Variants in SHANK2 observed in about 807,000 individuals in gnomAD.
The protein encoded by SHANK2 is SH3 and multiple ankyrin repeat domains protein 2.
Under a neutral mutation model 133.7 loss-of-function variants are expected in SHANK2, and 43 were observed. The ratio of observed to expected loss-of-function variants is 0.32; its 90% CI spans 0.25 to 0.41. The LOEUF (loss-of-function observed/expected upper bound fraction) is 0.41. Ranked by LOEUF, SHANK2 falls within the 10% of genes least tolerant of loss-of-function variation. SHANK2 has a pLI of 1.00. For missense variants in SHANK2, 1,994 were observed against 2,235.8 expected (o/e 0.89, Z 2.18); for synonymous variants, 1,017 against 952.8 (o/e 1.07, Z -1.24).
At chr11:70,589,778 C>T (rs1167013152) in intron 17 of SHANK2, among the ~76,000 whole-genome samples, 1 of 152,110 alleles carries the variant, frequency 6.6e-6, no homozygotes, top group Non-Finnish European at 1.5e-5. Context: ...AGAAGTTGAT[C>T]CCATCCCTCA....
chr11:71,107,374 C>T lies in SHANK2; in HGVS notation c.592+2567G>A, dbSNP rs569239731. On this transcript the variant is annotated intron_variant, in intron 6 of 25. Coordinates refer to ENST00000601538, the MANE Select transcript of SHANK2 (RefSeq NM_012309.5). ...TAGAATGCCTGTCCTTAACTATGTG[C>T]TCTTTCCCAGGAGCCACTTATCGGG... 2.0e-5 allele frequency among the ~76,000 whole-genome samples: 3 copies of T among 152,308 alleles called. No homozygotes were observed. The South Asian group carries it at 6.2e-4, about 32-fold the overall frequency.
At chr11:70,854,079 G>C (rs1949131986) in intron 11 of SHANK2, among the ~76,000 whole-genome samples, 1 of 152,220 alleles carries the variant, frequency 6.6e-6, no homozygotes, top group South Asian at 2.1e-4. Flanking sequence ...AGACCCTGCA[G>C]TGTTAACAGT....
intron 23 of SHANK2, 21 bp from the exon 24 acceptor site, chr11:70,489,369 GTT>G (rs782269349): frequency 2.2e-5 from 35 of 1,613,444 alleles, no homozygotes; most frequent in Non-Finnish European, 2.7e-5. Context: ...GAAATCAGTT[GTT>G]ATTAACCAGT....
At chr11:71,096,445 G>T (rs1430834232) in intron 6 of SHANK2, among the ~76,000 whole-genome samples, 2 of 152,188 alleles carry the variant, frequency 1.3e-5, no homozygotes, top group Non-Finnish European at 2.9e-5. Flanking sequence ...CTGCCTGCTA[G>T]AGAGAGGAAC....
At chr11:70,502,690 G>T in intron 18 of SHANK2, 106 bp downstream of exon 18, 4 of 1,291,218 alleles carry the variant, frequency 3.1e-6, no homozygotes, top group Non-Finnish European at 4.3e-6. Context: ...CAGAAGTGTG[G>T]GATCAGCTGG....
chr11:71,119,578 CA>C lies in SHANK2; in HGVS notation c.208-547del, dbSNP rs55759811. Reference sequence around the variant, plus strand: ...CTGGCGACAAGGCGAGACTCCATCTCAAAAAAAAAAAAAAAAATTCTCTAGC... The same window carrying C: ...CTGGCGACAAGGCGAGACTCCATCTCAAAAAAAAAAAAAAAATTCTCTAGC... On this transcript the variant is annotated intron_variant, in intron 3 of 25. Coordinates refer to ENST00000601538, the MANE Select transcript of SHANK2 (RefSeq NM_012309.5). Among the ~76,000 whole-genome samples, 176 of 134,380 alleles carry C rather than the reference CA, an allele frequency of 1.3e-3. 1 individual carries two copies. Among genetic ancestry groups the C allele is most frequent in the African/African-American group, 4.2e-3 (142 of 33,604 alleles). The allele number at this position is 134,380 out of a possible 152,430, so 88.2% of individuals were successfully genotyped here. A position where few individuals can be genotyped will look rare whatever the true frequency, so the allele number is the denominator to read the frequency against.
intron 17 of SHANK2, among the ~76,000 whole-genome samples, chr11:70,572,160 C>G (rs2060053306): frequency 6.6e-6 from 1 of 152,246 alleles, no homozygotes; most frequent in Non-Finnish European, 1.5e-5. Context: ...GGGAGAAAAT[C>G]AACCCCTGTT....
chr11:70,760,073 C>G (rs566504493), intron 14 of SHANK2, among the ~76,000 whole-genome samples: 72 of 152,340 alleles, frequency 4.7e-4, no homozygotes, highest in Middle Eastern at 3.4e-3. Flanking sequence ...CCTGCTTCAC[C>G]TTTTGACATA....
At chr11:70,568,537 G>C (rs992522249) in intron 17 of SHANK2, among the ~76,000 whole-genome samples, 3 of 151,868 alleles carry the variant, frequency 2.0e-5, no homozygotes, top group Non-Finnish European at 2.9e-5. Context: ...GGAGCCTCCA[G>C]CTGGAGAGAA....
At chr11:70,641,505 C>T (rs528360617) in intron 17 of SHANK2, among the ~76,000 whole-genome samples, 5 of 152,350 alleles carry the variant, frequency 3.3e-5, no homozygotes, top group East Asian at 3.9e-4. Context: ...ACAGCAAGAC[C>T]GCCTGCCCCA....
At chr11:70,607,427 C>T (rs573135045) in intron 17 of SHANK2, among the ~76,000 whole-genome samples, 3 of 152,274 alleles carry the variant, frequency 2.0e-5, no homozygotes, top group Non-Finnish European at 4.4e-5. Flanking sequence ...CAGGTCTTCC[C>T]GGAAGTCAGA....
chr11:70,885,542 C>G (rs1019611986), intron 11 of SHANK2, among the ~76,000 whole-genome samples: 4 of 152,186 alleles, frequency 2.6e-5, no homozygotes, highest in Admixed American at 6.5e-5. Flanking sequence ...GGACAGGCCG[C>G]AGGGCGGGCT....
At chr11:70,618,426 G>A (rs782506178) in intron 17 of SHANK2, among the ~76,000 whole-genome samples, 7 of 152,058 alleles carry the variant, frequency 4.6e-5, no homozygotes, top group East Asian at 3.8e-4. Context: ...AGAGTTAACC[G>A]CCATTTATGT....
At chr11:70,945,572 G>A (rs1555085220) in intron 10 of SHANK2, among the ~76,000 whole-genome samples, 3 of 152,182 alleles carry the variant, frequency 2.0e-5, no homozygotes, top group Non-Finnish European at 4.4e-5. Context: ...GGAGCCCAGG[G>A]TTGTGTGCCT....
intron 2 of SHANK2, among the ~76,000 whole-genome samples, chr11:71,214,595 C>T (rs1954362050): frequency 1.3e-5 from 2 of 152,238 alleles, no homozygotes; most frequent in Non-Finnish European, 2.9e-5. Context: ...GAAGATGGGT[C>T]TGGCTCAGGG....
chr11:70,482,216 G>A lies in SHANK2; in HGVS notation c.4979+3098C>T, dbSNP rs191371957. The stretch of plus-strand genomic sequence containing the variant: ...TGAGTGTAAAGTGTAACCCTTGGCC[G>A]GGAGCAAGAAGGGAACAGACATGGC... On this transcript the variant is annotated intron_variant, in intron 25 of 25. Transcript: ENST00000601538. Among the ~76,000 whole-genome samples, 12 of 152,352 alleles carry A rather than the reference G, an allele frequency of 7.9e-5. No individual in the cohort carries two copies. In the East Asian group the frequency reaches 2.1e-3, roughly 27 times the overall value.
chr11:70,865,409 C>G (rs1949337345), intron 11 of SHANK2, among the ~76,000 whole-genome samples: 1 of 152,330 alleles, frequency 6.6e-6, no homozygotes, highest in Non-Finnish European at 1.5e-5. Context: ...AAATACTATT[C>G]TGAAGGGACA....
In SHANK2 at chr11:70,500,980, T is replaced by C. The variant is rs2059042202; in HGVS notation, c.2288-390A>G. ...CTGTGGCCTTTCCTGCCTCATTCTG[T>C]TGTTTCTTGACTGAGCTGAGCTCTC... On this transcript the variant is annotated intron_variant, in intron 20 of 25. Coordinates refer to ENST00000601538, the MANE Select transcript of SHANK2 (RefSeq NM_012309.5). This position sits in a 1 kb window ranked among gnomAD's most constrained non-coding sequence, Gnocchi z 4.5. Among the ~76,000 whole-genome samples the C allele has an allele frequency of 6.6e-6, 1 of 152,184 alleles. No individual in the cohort carries two copies. The highest frequency in any genetic ancestry group is 1.5e-5 in the Non-Finnish European group (1 of 68,020).
Position 71,092,567 on chromosome 11 carries a change from G to T in SHANK2, c.767C>A (p.Ser256Tyr). The T allele has an allele frequency of 6.4e-7, 1 of 1,551,964 alleles. No individual in the cohort carries two copies. Among genetic ancestry groups the T allele is most frequent in the Non-Finnish European group, 8.7e-7 (1 of 1,147,074 alleles). ...GCCGTAACTGTCTTTATAATCTGGGGATGCACCAAGCTCTAAAAGGGTCTA... is the reference window on the plus strand; with the variant it reads ...GCCGTAACTGTCTTTATAATCTGGGTATGCACCAAGCTCTAAAAGGGTCTA... ...ALKTLLELGA[S>Y]PDYKDSYGLT... is the part of the protein sequence containing the mutation. The change falls in exon 8 of 26, where the codon TCC (serine) becomes TAC (tyrosine). Residue 256 changes from serine (S) to tyrosine (Y), a missense_variant. Coordinates refer to ENST00000601538, the MANE Select transcript of SHANK2 (RefSeq NM_012309.5).
Sources: allele counts gnomAD v4.1 joint callset (sites outside exome capture counted in the v4.1 genomes callset), GRCh38; gene constraint gnomAD v4.1.1; non-coding constraint Gnocchi (gnomAD v3.1); transcripts MANE v1.5; gene names NCBI Gene and HGNC (gene_info 2026-07-23, HGNC 2026-07-21).